The following ARL13B variants were observed in gnomAD, a reference collection of about 807,000 sequenced individuals.
The protein encoded by ARL13B is ARF like GTPase 13B.
ARL13B carries 36 observed loss-of-function variants against 56.1 expected under a neutral mutation model. The ratio of observed to expected loss-of-function variants is 0.64; its 90% CI spans 0.49 to 0.85. ARL13B has a LOEUF of 0.85. Among genes scored for constraint, ARL13B ranks in the 40% least tolerant of loss-of-function variants. The pLI, the probability that ARL13B is intolerant of heterozygous loss-of-function variation, is 0.00. For missense variants in ARL13B, 519 were observed against 507.1 expected (o/e 1.02, Z -0.23); for synonymous variants, 178 against 171.1 (o/e 1.04, Z -0.32).
chr3:94,030,507 C>T (rs1177575034), intron 3 of ARL13B, among the ~76,000 whole-genome samples: 1 of 150,784 alleles, frequency 6.6e-6, no homozygotes, highest in Non-Finnish European at 1.5e-5. Context: ...GCTGAGATTA[C>T]AGGTGTGAGC....
At chr3:94,015,485 C>A (rs2076313411) in intron 3 of ARL13B, among the ~76,000 whole-genome samples, 1 of 152,150 alleles carries the variant, frequency 6.6e-6, no homozygotes, top group Non-Finnish European at 1.5e-5. Flanking sequence ...TTGTAAGTTA[C>A]TTTGCATGTG....
chr3:94,001,613 G>T lies in ARL13B; in HGVS notation c.131-2046G>T, dbSNP rs1181641104. Among the ~76,000 whole-genome samples, 3 of 152,016 alleles carry T rather than the reference G, an allele frequency of 2.0e-5. No homozygotes were observed. In the East Asian group the frequency reaches 5.8e-4, roughly 29 times the overall value. On this transcript the variant is annotated intron_variant, in intron 2 of 9. Coordinates refer to ENST00000394222, the MANE Select transcript of ARL13B (RefSeq NM_001174150.2). The stretch of plus-strand genomic sequence containing the variant: ...TTTTTTTAAAGAACATACAAATTCT[G>T]TGTTATTCCTATTAATATTCCACTT...
Position 94,053,592 on chromosome 3 carries a change from ACTTT to A in ARL13B, c.*334_*337del. 2 of 496,648 alleles carry A rather than the reference ACTTT, an allele frequency of 4.0e-6. No individual in the cohort carries two copies. The highest frequency in any genetic ancestry group is 1.9e-5 in the African/African-American group (1 of 51,920). The allele number at this position is 496,648 out of a possible 1,614,324, so 30.8% of individuals were successfully genotyped here. A position where few individuals can be genotyped will look rare whatever the true frequency, so the allele number is the denominator to read the frequency against. On this transcript the variant is annotated 3_prime_UTR_variant, in exon 10 of 10. Coordinates refer to ENST00000394222, the MANE Select transcript of ARL13B (RefSeq NM_001174150.2). ...TACAAAAAGAGCCAATGGACTCAGC[ACTTT>A]CTTTACTATTTGTTCAATAGCCTAT... is the stretch of plus-strand genomic sequence containing the variant.
chr3:94,040,553 T>C (rs2076844360), intron 6 of ARL13B, among the ~76,000 whole-genome samples: 1 of 152,192 alleles, frequency 6.6e-6, no homozygotes, highest in African/African-American at 2.4e-5. Flanking sequence ...TGTGCGCGTC[T>C]GTGTTTTTGT....
Position 94,050,807 on chromosome 3 carries a change from T to A in ARL13B, c.1142-17T>A. 6.2e-7 allele frequency: 1 copy of A among 1,608,722 alleles called. No individual in the cohort carries two copies. Among genetic ancestry groups the A allele is most frequent in the Non-Finnish European group, 8.5e-7 (1 of 1,178,596 alleles). On this transcript the variant is annotated splice_polypyrimidine_tract_variant and intron_variant, in intron 8 of 9. Coordinates refer to ENST00000394222, the MANE Select transcript of ARL13B (RefSeq NM_001174150.2). ...CTTGTTTAACAGTGTTTTTTAAATG[T>A]TTTTCTTTTTCTTTAGTTGGCTGGG...
intron 3 of ARL13B, among the ~76,000 whole-genome samples, chr3:94,020,459 G>C (rs747124392): frequency 1.3e-5 from 2 of 152,074 alleles, no homozygotes; most frequent in Non-Finnish European, 2.9e-5. Flanking sequence ...TAGCATACTA[G>C]AGCATAGTAA....
At chr3:94,049,034 A>T (rs1032204420) in intron 7 of ARL13B, among the ~76,000 whole-genome samples, 2 of 152,210 alleles carry the variant, frequency 1.3e-5, no homozygotes, top group Non-Finnish European at 2.9e-5. Context: ...AAATATACTG[A>T]GTGACACAAT....
intron 1 of ARL13B, chr3:93,988,865 G>C (rs1413535647): frequency 2.6e-6 from 1 of 379,712 alleles, no homozygotes; most frequent in Non-Finnish European, 5.2e-6. Context: ...GCAGGAGCAG[G>C]TTTAGCTGAC....
At chr3:94,034,327 A>G (rs2076730591) in intron 3 of ARL13B, among the ~76,000 whole-genome samples, 1 of 152,090 alleles carries the variant, frequency 6.6e-6, no homozygotes, top group African/African-American at 2.4e-5. Flanking sequence ...TAGTCTATGT[A>G]CTTAATTTTT....
intron 2 of ARL13B, among the ~76,000 whole-genome samples, chr3:93,997,406 A>T (rs1006574999): frequency 1.3e-5 from 2 of 152,198 alleles, no homozygotes; most frequent in African/African-American, 4.8e-5. Context: ...ATTAATTAAC[A>T]GGTTGCAAAA....
intron 3 of ARL13B, among the ~76,000 whole-genome samples, chr3:94,006,406 TTCTC>T (rs2076136077): frequency 6.6e-6 from 1 of 152,202 alleles, no homozygotes; most frequent in Non-Finnish European, 1.5e-5. Context: ...GTTTACCTTT[TTCTC>T]TCTGACTTGC....
At chr3:94,034,846 T>G (rs771946494) in intron 3 of ARL13B, among the ~76,000 whole-genome samples, 3 of 152,222 alleles carry the variant, frequency 2.0e-5, no homozygotes, top group Non-Finnish European at 4.4e-5. Flanking sequence ...AAAAACTATT[T>G]TAGCAATAAT....
intron 6 of ARL13B, among the ~76,000 whole-genome samples, chr3:94,041,921 G>A (rs1324642572): frequency 3.3e-5 from 5 of 152,232 alleles, no homozygotes; most frequent in Non-Finnish European, 5.9e-5. Context: ...TTAGCCAGGC[G>A]TGGCACGAAC....
At chr3:93,991,271 T>G (rs1283295477) in intron 1 of ARL13B, among the ~76,000 whole-genome samples, 1 of 152,222 alleles carries the variant, frequency 6.6e-6, no homozygotes, top group Non-Finnish European at 1.5e-5. Flanking sequence ...ATCATCAAAC[T>G]AAAAGATATT....
At chr3:94,047,054 TC>T (rs1199327177) in intron 7 of ARL13B, among the ~76,000 whole-genome samples, 2 of 152,182 alleles carry the variant, frequency 1.3e-5, no homozygotes, top group Non-Finnish European at 2.9e-5. Context: ...ATAAATATTG[TC>T]TTTATTCACA....
chr3:93,992,181 TG>T (rs964122027), intron 1 of ARL13B, among the ~76,000 whole-genome samples: 2 of 152,234 alleles, frequency 1.3e-5, no homozygotes, highest in African/African-American at 4.8e-5. Context: ...TTTAGATGTT[TG>T]TTTTTTTAAA....
chr3:94,001,842 C>T (rs554320619), intron 2 of ARL13B, among the ~76,000 whole-genome samples: 1 of 152,302 alleles, frequency 6.6e-6, no homozygotes, highest in East Asian at 1.9e-4. Context: ...CCTATTTTAT[C>T]CACACAAACT....
intron 5 of ARL13B, among the ~76,000 whole-genome samples, chr3:94,039,031 TTAC>T (rs1474153609): frequency 6.6e-6 from 1 of 152,204 alleles, no homozygotes; most frequent in African/African-American, 2.4e-5. Flanking sequence ...ATATTTTATA[TTAC>T]TACTCTGTCA....
At chr3:94,049,949 G>A (rs2077043360) in intron 8 of ARL13B, among the ~76,000 whole-genome samples, 2 of 147,548 alleles carry the variant, frequency 1.4e-5, no homozygotes. Context: ...TGAAGAGTTC[G>A]AGATCAACCT....
Sources: allele counts gnomAD v4.1 joint callset (sites outside exome capture counted in the v4.1 genomes callset), GRCh38; gene constraint gnomAD v4.1.1; transcripts MANE v1.5; gene names NCBI Gene and HGNC (gene_info 2026-07-23, HGNC 2026-07-21).